NBAS: variants seen among roughly 807,000 people sequenced by gnomAD.
NBAS encodes the protein NBAS subunit of NRZ tethering complex, also known as NAG/BC035112 fusion.
NBAS carries 219 observed loss-of-function variants against 302.5 expected under a neutral mutation model. That is an observed-to-expected ratio of 0.72 (90% confidence interval 0.65 to 0.81). NBAS has a LOEUF of 0.81. Among genes scored for constraint, NBAS ranks in the 30% least tolerant of loss-of-function variants. The probability of loss-of-function intolerance (pLI) is 0.00; values close to 1 mark genes in which losing one functional copy is unlikely to be tolerated. For missense variants in NBAS, 2,932 were observed against 2,841.6 expected (o/e 1.03, Z -0.72); for synonymous variants, 1,118 against 1,021.6 (o/e 1.09, Z -1.80).
At chr2:15,383,653 C>A (rs748019507) in intron 28 of NBAS, among the ~76,000 whole-genome samples, 1 of 152,158 alleles carries the variant, frequency 6.6e-6, no homozygotes, top group Non-Finnish European at 1.5e-5. Flanking sequence ...TGAACCACTG[C>A]AAGATAAAGC....
rs550256755 is a variant in NBAS, at chr2:15,364,559, T to C, written c.3817+2021A>G. On this transcript the variant is annotated intron_variant, in intron 32 of 51. Transcript: ENST00000281513. ...GAAAAAAAAGAAAATGCCTTGAAGA[T>C]TTTGCTGGTTTCTCCTGGAGCACTG... is the stretch of plus-strand genomic sequence containing the variant. 7.2e-5 allele frequency among the ~76,000 whole-genome samples: 11 copies of C among 152,116 alleles called. 1 individual carries two copies. In the South Asian group the frequency reaches 1.5e-3, roughly 20 times the overall value.
chr2:15,087,306 G>A, the NBAS span, among the ~76,000 whole-genome samples: 61,927 of 151,844 alleles, frequency 0.41, 16,444 homozygotes, highest in African/African-American at 0.76. Context: ...GTTATTATAT[G>A]TTGTTCTCAT....
the NBAS span, among the ~76,000 whole-genome samples, chr2:14,957,628 C>A: frequency 6.6e-6 from 1 of 152,158 alleles, no homozygotes; most frequent in African/African-American, 2.4e-5. Flanking sequence ...CCTGATTCTG[C>A]TTCCAAAACC....
At chr2:15,439,723 G>C (rs879561075) in intron 21 of NBAS, among the ~76,000 whole-genome samples, 2 of 152,204 alleles carry the variant, frequency 1.3e-5, no homozygotes, top group African/African-American at 2.4e-5. Context: ...CTCGGGAAGC[G>C]CAAGGGGTCA....
At chr2:14,889,561 A>G in the NBAS span, among the ~76,000 whole-genome samples, 1 of 152,186 alleles carries the variant, frequency 6.6e-6, no homozygotes, top group Non-Finnish European at 1.5e-5. Context: ...AAATCCAAAA[A>G]AGAGATCCCG....
the NBAS span, among the ~76,000 whole-genome samples, chr2:14,781,804 A>C: frequency 6.6e-6 from 1 of 151,920 alleles, no homozygotes; most frequent in Non-Finnish European, 1.5e-5. Context: ...TAAGATGCAG[A>C]TGTGCAAAAG....
At position 15,287,128 on chromosome 2, in the gene NBAS, C is replaced by T. The variant is rs1039300074; in HGVS notation, c.5083G>A (p.Val1695Ile). ...IAISLAQRYS[V>I]SRWEVFMTHL... ...GTCATAAAAACTTCCCAGCGGGAGA[C>T]ACTGTAACGTTGTGCCAGAGAAATA... The change falls in exon 42 of 52, where the codon GTC becomes ATC. Residue 1695 changes from valine (V) to isoleucine (I), a missense_variant. Transcript: ENST00000281513. The T allele has an allele frequency of 6.8e-6, 11 of 1,614,028 alleles. No individual in the cohort carries two copies. The highest frequency in any genetic ancestry group is 9.3e-6 in the Non-Finnish European group (11 of 1,179,926).
At chr2:14,992,431 A>G in the NBAS span, among the ~76,000 whole-genome samples, 3 of 152,212 alleles carry the variant, frequency 2.0e-5, no homozygotes, top group Admixed American at 2.0e-4. Flanking sequence ...TAAGACCATC[A>G]TAGTTATTCC....
At chr2:15,433,174 G>C (rs1383896579) in intron 21 of NBAS, among the ~76,000 whole-genome samples, 1 of 152,130 alleles carries the variant, frequency 6.6e-6, no homozygotes, top group African/African-American at 2.4e-5. Context: ...TAATACTTAA[G>C]ATTATGCTCT....
At chr2:15,429,545 G>A (rs750809149) in intron 21 of NBAS, among the ~76,000 whole-genome samples, 2 of 152,180 alleles carry the variant, frequency 1.3e-5, no homozygotes, top group Non-Finnish European at 2.9e-5. Context: ...GGGTTTTAAA[G>A]CAGAAGAGGG....
the NBAS span, among the ~76,000 whole-genome samples, chr2:14,900,112 C>CTTTTTTTTTTTTTTTTTTTTTT: frequency 7.1e-6 from 1 of 140,636 alleles, no homozygotes; most frequent in Non-Finnish European, 1.5e-5. Context: ...AAGTCACATG[C>CTTTTTTTTTTTTTTTTTTTTTT]TTTTTTTTTT....
At chr2:15,369,379 A>G (rs77543542) in intron 31 of NBAS, among the ~76,000 whole-genome samples, 7,141 of 152,298 alleles carry the variant, frequency 0.047, 241 homozygotes, top group Non-Finnish European at 0.066. Flanking sequence ...CATTTAATGG[A>G]ACACTCAAGT....
chr2:15,117,241 A>G, the NBAS span, among the ~76,000 whole-genome samples: 306 of 152,266 alleles, frequency 2.0e-3, 3 homozygotes, highest in African/African-American at 7.1e-3. Flanking sequence ...AACCTGCTCA[A>G]AATAACTCTG....
At chr2:15,322,381 G>A (rs1260915363) in intron 38 of NBAS, among the ~76,000 whole-genome samples, 1 of 151,656 alleles carries the variant, frequency 6.6e-6, no homozygotes, top group Non-Finnish European at 1.5e-5. Context: ...AGAACTTAAA[G>A]TATAATAAAA....
chr2:15,488,913 TC>T lies in NBAS; in HGVS notation c.1063del (p.Glu355AsnfsTer36). On this transcript the variant is annotated frameshift_variant, in exon 12 of 52. Coordinates refer to ENST00000281513, the MANE Select transcript of NBAS (RefSeq NM_015909.4). LOFTEE classifies it high-confidence loss of function. Reference protein sequence around the residue: ...WAIPSLKQQGEWGQNEQPGYD... With the variant: ...WAIPSLKQQGXWGQNEQPGYD... ...ACGCACCTGCTCATTTTGACCCCAT[TC>T]CCCTTGTTGCTTCAGAGATGGAATC... is the stretch of plus-strand genomic sequence containing the variant. 1.2e-6 allele frequency: 2 copies of T among 1,613,760 alleles called. No individual in the cohort carries two copies. Among genetic ancestry groups the T allele is most frequent in the Non-Finnish European group, 1.7e-6 (2 of 1,179,782 alleles).
chr2:15,132,212 C>T, the NBAS span, among the ~76,000 whole-genome samples: 14 of 152,212 alleles, frequency 9.2e-5, no homozygotes, highest in South Asian at 2.1e-4. Context: ...AAATAAAATG[C>T]GGTACATCCA....
At chr2:15,346,462 C>T (rs180883355) in intron 35 of NBAS, among the ~76,000 whole-genome samples, 215 of 152,206 alleles carry the variant, frequency 1.4e-3, no homozygotes, top group Non-Finnish European at 2.4e-3. Context: ...TACCATCTCA[C>T]GCCAGTTAGA....
chr2:15,550,661 A>G (rs1392241906), intron 6 of NBAS, among the ~76,000 whole-genome samples: 1 of 148,684 alleles, frequency 6.7e-6, no homozygotes, highest in Non-Finnish European at 1.5e-5. Context: ...ATCTCGGCTC[A>G]CTGTAAACTC....
At chr2:15,137,612 C>A in the NBAS span, among the ~76,000 whole-genome samples, 2 of 151,874 alleles carry the variant, frequency 1.3e-5, no homozygotes, top group African/African-American at 4.8e-5. Flanking sequence ...GTTTTTCCCC[C>A]AAAAAAATGA....
Sources: allele counts gnomAD v4.1 joint callset (sites outside exome capture counted in the v4.1 genomes callset), GRCh38; gene constraint gnomAD v4.1.1; transcripts MANE v1.5; gene names NCBI Gene and HGNC (gene_info 2026-07-23, HGNC 2026-07-21).